Variants in SEZ6 observed in about 807,000 individuals in gnomAD.
SEZ6 encodes seizure related 6 homolog.
In SEZ6, 53 loss-of-function variants were observed where a neutral mutation model predicts 101.0. The ratio of observed to expected loss-of-function variants is 0.52; its 90% CI spans 0.42 to 0.66. The LOEUF (loss-of-function observed/expected upper bound fraction) is 0.66, where lower values mean the gene tolerates loss of function less well. Among genes scored for constraint, SEZ6 ranks in the 30% least tolerant of loss-of-function variants. The pLI is 0.00. For synonymous variants in SEZ6, 488 were observed against 512.2 expected (o/e 0.95, Z 0.64); for missense variants, 1,102 against 1,289.4 (o/e 0.85, Z 2.23).
intron 3 of SEZ6, among the ~76,000 whole-genome samples, chr17:28,977,783 C>CGAAA (rs2152688314): frequency 6.6e-6 from 1 of 152,326 alleles, no homozygotes; most frequent in East Asian, 1.9e-4. Flanking sequence ...CACCCCCTTT[C>CGAAA]CCACACCTGC....
Position 28,959,264 on chromosome 17 carries a change from G to A in SEZ6, c.1911-43C>T, listed in dbSNP as rs542131506. The A allele has an allele frequency of 3.1e-4, 501 of 1,612,778 alleles. 2 individuals carry two copies. In the South Asian group the frequency reaches 4.4e-3, roughly 14 times the overall value. ...CAGGGCAGAGCCGGCCTGGGGGCCCGAGGATGGGCTGGACAAGGGATATCC... is the reference window on the plus strand; with the variant it reads ...CAGGGCAGAGCCGGCCTGGGGGCCCAAGGATGGGCTGGACAAGGGATATCC... On this transcript the variant is annotated intron_variant, in intron 9 of 16. Transcript: ENST00000317338. This position sits in a 1 kb window ranked among gnomAD's most constrained non-coding sequence, Gnocchi z 4.4.
At chr17:28,998,441 A>G (rs2041572099) in intron 1 of SEZ6, among the ~76,000 whole-genome samples, 1 of 151,882 alleles carries the variant, frequency 6.6e-6, no homozygotes, top group Admixed American at 6.6e-5. Flanking sequence ...GAGGGATGGC[A>G]TGAGAAGGAG....
At chr17:28,972,665 C>T (rs1018132329) in intron 3 of SEZ6, among the ~76,000 whole-genome samples, 1 of 152,226 alleles carries the variant, frequency 6.6e-6, no homozygotes, top group African/African-American at 2.4e-5. Flanking sequence ...CAGGCGGAGG[C>T]TGGATGAGGT....
chr17:28,965,123 G>C (rs2041044174), intron 4 of SEZ6, among the ~76,000 whole-genome samples: 2 of 152,008 alleles, frequency 1.3e-5, no homozygotes, highest in Admixed American at 1.3e-4. Context: ...AGGCCGAAGT[G>C]GGCGGATCAC....
Position 28,981,758 on chromosome 17 carries a change from G to T in SEZ6, c.337C>A (p.Gln113Lys). Residue 113 changes from glutamine to lysine, a missense_variant, in exon 2 of 17, where the codon CAG (glutamine) becomes AAG (lysine). Gln to Lys is a moderately conservative substitution (Grantham distance 53). Coordinates refer to ENST00000317338, the MANE Select transcript of SEZ6 (RefSeq NM_178860.5). ...CTGGTAAAGACAGGGCGGCTGTCCT[G>T]GTTGGCCAGGCGGGGAAGGGGACTT... is the stretch of plus-strand genomic sequence containing the variant. ...TPSPLPRLAN[Q>K]DSRPVFTSPT... 6.2e-7 allele frequency: 1 copy of T among 1,611,432 alleles called. No individual in the cohort carries two copies. The highest frequency in any genetic ancestry group is 8.5e-7 in the Non-Finnish European group (1 of 1,177,958).
chr17:28,960,293 G>A (rs1426133111), intron 7 of SEZ6: 2 of 666,912 alleles, frequency 3.0e-6, no homozygotes, highest in Non-Finnish European at 5.1e-6. Flanking sequence ...TAGGGCCTGG[G>A]TCCAGGCAGA....
chr17:28,964,623 T>A (rs187363539), intron 4 of SEZ6, among the ~76,000 whole-genome samples: 1 of 152,356 alleles, frequency 6.6e-6, no homozygotes, highest in East Asian at 1.9e-4. Context: ...TATACAGATG[T>A]AAAGTGTTGA....
At chr17:28,962,449 G>C (rs1332454500) in intron 5 of SEZ6, among the ~76,000 whole-genome samples, 1 of 152,160 alleles carries the variant, frequency 6.6e-6, no homozygotes, top group African/African-American at 2.4e-5. Context: ...TTCAACTCTG[G>C]TTGTGCCTGG....
Position 28,979,700 on chromosome 17 carries a change from CA to C in SEZ6, c.837del (p.Gly280AlafsTer19). The part of the protein sequence containing the change: ...LDCFFYISVY[P>X]GYGVEIKVQN... ...CTCACCTTGATTTCCACGCCATAGC[CA>C]GGGTAGACAGAGATGTAGAAGAAGC... is the stretch of plus-strand genomic sequence containing the variant. On this transcript the variant is annotated frameshift_variant, in exon 3 of 17. Coordinates refer to ENST00000317338, the MANE Select transcript of SEZ6 (RefSeq NM_178860.5). LOFTEE classifies it high-confidence loss of function. The C allele has an allele frequency of 6.2e-7, 1 of 1,613,984 alleles. No homozygotes were observed. The highest frequency in any genetic ancestry group is 8.5e-7 in the Non-Finnish European group (1 of 1,179,876).
chr17:28,996,206 C>T (rs1310398722), intron 1 of SEZ6, among the ~76,000 whole-genome samples: 1 of 151,872 alleles, frequency 6.6e-6, no homozygotes. Flanking sequence ...TTCCAAATGG[C>T]TTAGGGAGGA....
At chr17:28,999,810 G>A (rs1022942013) in intron 1 of SEZ6, among the ~76,000 whole-genome samples, 1 of 152,178 alleles carries the variant, frequency 6.6e-6, no homozygotes, top group Non-Finnish European at 1.5e-5. Flanking sequence ...GGACTGAAGA[G>A]TAAGAGCCAC....
In SEZ6 at chr17:28,990,084, C is replaced by T. The variant is rs190463404; in HGVS notation, c.56-8045G>A. On this transcript the variant is annotated intron_variant, in intron 1 of 16. Coordinates refer to ENST00000317338, the MANE Select transcript of SEZ6 (RefSeq NM_178860.5). Reference sequence around the variant, plus strand: ...TTAAACTCTGTCCCCTGCCCACACACACACAAAAAAAAGAATGAAAGACCA... The same window carrying T: ...TTAAACTCTGTCCCCTGCCCACACATACACAAAAAAAAGAATGAAAGACCA... Among the ~76,000 whole-genome samples, 190 of 152,052 alleles carry T rather than the reference C, an allele frequency of 1.2e-3. 2 individuals are homozygous for T. The East Asian group carries it at 0.034, about 28-fold the overall frequency.
rs1454639841 is a variant in SEZ6 at position 28,964,020 on chromosome 17, A to G, written c.1182T>C (p.His394=). The change falls in exon 5 of 17, where the codon CAT becomes CAC. Residue 394 remains histidine (H), a synonymous_variant. Transcript: ENST00000317338. ...GCTGGGTGGCATTGAGACAGGTGAG[A>G]TGCCTGGCGCCCTTCAGCTGGTAGC... ...ATGYQLKGAR[H]LTCLNATQPF... is the part of the protein sequence containing the mutation. 3 of 1,612,280 alleles carry G rather than the reference A, an allele frequency of 1.9e-6. No homozygotes were observed. The highest frequency in any genetic ancestry group is 1.3e-5 in the African/African-American group (1 of 75,014).
chr17:29,000,082 G>T (rs777441512), intron 1 of SEZ6, among the ~76,000 whole-genome samples: 5 of 152,224 alleles, frequency 3.3e-5, no homozygotes, highest in Admixed American at 6.5e-5. Context: ...GATGATAAGA[G>T]AACTAAATGA....
chr17:28,961,369 T>C (rs189915920), intron 5 of SEZ6, among the ~76,000 whole-genome samples: 54 of 152,312 alleles, frequency 3.5e-4, no homozygotes, highest in African/African-American at 1.2e-3. Context: ...TGGATACATC[T>C]GCTACTTCTA....
chr17:28,998,398 G>A (rs1288358583), intron 1 of SEZ6, among the ~76,000 whole-genome samples: 3 of 151,726 alleles, frequency 2.0e-5, no homozygotes, highest in Non-Finnish European at 4.4e-5. Flanking sequence ...CAGTATCAAG[G>A]TTCTGGCTGG....
Position 28,957,479 on chromosome 17 carries a change from T to A in SEZ6, c.2363A>T (p.Lys788Met), listed in dbSNP as rs1445259936. ...TTGCACGGTGGCCCCCACGGGAAAC[T>A]TGGGGCTGGATATGAGGCGTCGGCT... ...EHSRRLISSPKFPVGATVQYI... is the reference protein window; with the variant it reads ...EHSRRLISSPMFPVGATVQYI... The change falls in exon 12 of 17, where the codon AAG (lysine) becomes ATG (methionine). Residue 788 changes from lysine (K) to methionine (M), a missense_variant. Around this residue, in one of 3 missense-constraint regions of SEZ6, gnomAD observed 556 missense variants for 735.1 expected, o/e 0.76. Coordinates refer to ENST00000317338, the MANE Select transcript of SEZ6 (RefSeq NM_178860.5). The A allele has an allele frequency of 9.9e-6, 16 of 1,613,800 alleles. No individual in the cohort carries two copies. Among genetic ancestry groups the A allele is most frequent in the Admixed American group, 3.3e-5 (2 of 59,990 alleles).
Position 29,005,651 on chromosome 17 carries a change from CCG to C in SEZ6, c.55+162_55+163del, listed in dbSNP as rs1389231426. ...CGCGGCAGCTTCCCGCCCGCGAAGC[CCG>C]CGCCCCGCCCGGCTTGGCCGGCGCC... On this transcript the variant is annotated intron_variant, in intron 1 of 16. Transcript: ENST00000317338. The surrounding 1 kb of genome is among the most constrained non-coding windows in gnomAD (Gnocchi z 4.8). Among the ~76,000 whole-genome samples the C allele has an allele frequency of 6.6e-6, 1 of 151,172 alleles. No individual in the cohort carries two copies. Among genetic ancestry groups the C allele is most frequent in the East Asian group, 2.0e-4 (1 of 5,124 alleles).
chr17:28,984,207 A>C (rs2041346967), intron 1 of SEZ6, among the ~76,000 whole-genome samples: 1 of 152,182 alleles, frequency 6.6e-6, no homozygotes, highest in Admixed American at 6.5e-5. Flanking sequence ...CATCTGAATA[A>C]GTTACGGAAG....
Sources: gnomAD v4.1 joint callset for allele counts (sites outside exome capture counted in the v4.1 genomes callset) on GRCh38, gnomAD v4.1.1 for gene constraint, gnomAD v4.1.1 regional missense constraint, Gnocchi (gnomAD v3.1) non-coding constraint, MANE v1.5 for transcripts, NCBI Gene and HGNC (gene_info 2026-07-23, HGNC 2026-07-21) for gene names.